TRPM7: variants seen among roughly 807,000 people sequenced by gnomAD.
TRPM7 encodes LTRPC ion channel family member 7.
In TRPM7, 134 loss-of-function variants were observed where a neutral mutation model predicts 229.7. The observed-to-expected ratio is 0.58, with a 90% CI of 0.51 to 0.67. TRPM7 has a LOEUF of 0.67. Ranked by LOEUF, TRPM7 falls within the 30% of genes least tolerant of loss-of-function variation. TRPM7 has a pLI of 0.00. For synonymous variants in TRPM7, 699 were observed against 715.2 expected (o/e 0.98, Z 0.36); for missense variants, 1,901 against 2,210.0 (o/e 0.86, Z 2.80).
In TRPM7 at chr15:50,588,930, A is replaced by T. The variant is rs114452552; in HGVS notation, c.4389+662T>A. Among the ~76,000 whole-genome samples, 857 of 152,322 alleles carry T rather than the reference A, an allele frequency of 5.6e-3. 9 individuals carry two copies. Among genetic ancestry groups the T allele is most frequent in the African/African-American group, 0.02 (825 of 41,574 alleles). On this transcript the variant is annotated intron_variant, in intron 27 of 38. Transcript: ENST00000646667. ...CACTGCTAGACAATAGGTTTCTAAG[A>T]GTCAGGGTCATGTTCAAATAAAACT...
intron 25 of TRPM7, 60 bp from the exon 26 acceptor site, chr15:50,592,686 T>C (rs1200517307): frequency 5.0e-6 from 6 of 1,201,002 alleles, no homozygotes; most frequent in Non-Finnish European, 6.9e-6. Context: ...AATTTTATTT[T>C]GTAGCCTCAA....
chr15:50,620,303 T>TC, intron 12 of TRPM7, among the ~76,000 whole-genome samples: 1 of 148,638 alleles, frequency 6.7e-6, no homozygotes, highest in Admixed American at 6.7e-5. Context: ...TTTTTCAATT[T>TC]TTTTCAATTT....
rs141264637 is a variant in TRPM7, at chr15:50,644,928, G to A, written c.322-1375C>T. ...TTTTGTTTTGTTTTTTTTAGACACG[G>A]TCAGGCTCTGTTGCCCAGGCTGGAG... On this transcript the variant is annotated intron_variant, in intron 4 of 38. Coordinates refer to ENST00000646667, the MANE Select transcript of TRPM7 (RefSeq NM_017672.6). Among the ~76,000 whole-genome samples, 12 of 151,900 alleles carry A rather than the reference G, an allele frequency of 7.9e-5. No homozygotes were observed. In the East Asian group the frequency reaches 2.3e-3, roughly 29 times the overall value.
At chr15:50,622,017 C>T (rs1442649942) in intron 12 of TRPM7, among the ~76,000 whole-genome samples, 1 of 150,612 alleles carries the variant, frequency 6.6e-6, no homozygotes, top group African/African-American at 2.4e-5. Flanking sequence ...ATGACAAGAG[C>T]AAAACTGCGT....
At chr15:50,594,934 G>T (rs2059595808) in intron 23 of TRPM7, among the ~76,000 whole-genome samples, 1 of 152,160 alleles carries the variant, frequency 6.6e-6, no homozygotes, top group African/African-American at 2.4e-5. Context: ...GGGCATGGTG[G>T]TTCATGTCTA....
At position 50,593,605 on chromosome 15, in the gene TRPM7, G is replaced by C; in HGVS notation, c.3608+12C>G. The C allele has an allele frequency of 2.5e-6, 4 of 1,605,138 alleles. No individual in the cohort carries two copies. Among genetic ancestry groups the C allele is most frequent in the Non-Finnish European group, 3.4e-6 (4 of 1,177,950 alleles). ...TGACATATAACCGATTTTAACTAAA[G>C]GGCTTCTGAACCTTTCAAAAGTGAC... On this transcript the variant is annotated intron_variant, in intron 25 of 38. Coordinates refer to ENST00000646667, the MANE Select transcript of TRPM7 (RefSeq NM_017672.6).
chr15:50,665,865 C>T (rs886825765), intron 1 of TRPM7, among the ~76,000 whole-genome samples: 5 of 151,990 alleles, frequency 3.3e-5, no homozygotes, highest in Admixed American at 2.0e-4. Context: ...TTGTGGTGGG[C>T]ACCTGTAATC....
intron 19 of TRPM7, among the ~76,000 whole-genome samples, chr15:50,608,636 C>T (rs1462193079): frequency 6.6e-6 from 1 of 152,156 alleles, no homozygotes; most frequent in African/African-American, 2.4e-5. Flanking sequence ...GGAACAAGAA[C>T]ATTTTCATAT....
intron 26 of TRPM7, among the ~76,000 whole-genome samples, chr15:50,591,604 C>T (rs1246369522): frequency 2.0e-5 from 3 of 151,312 alleles, no homozygotes; most frequent in Non-Finnish European, 4.4e-5. Flanking sequence ...GCAAGCAGTT[C>T]GCCTGCCTCA....
At position 50,624,293 on chromosome 15, in the gene TRPM7, G is replaced by A. The variant is rs1347288244; in HGVS notation, c.1313C>T (p.Ser438Phe). The A allele has an allele frequency of 6.2e-7, 1 of 1,600,318 alleles. No individual in the cohort carries two copies. The highest frequency in any genetic ancestry group is 8.5e-7 in the Non-Finnish European group (1 of 1,175,280). The change falls in exon 12 of 39, where the codon TCC becomes TTC. Residue 438 changes from serine to phenylalanine, a missense_variant. This residue lies in a region of TRPM7 where 794 missense variants were observed against 881.9 expected (regional missense o/e 0.90). Transcript: ENST00000646667. Reference protein sequence around the residue: ...FVYGQQWLVGSLEQAMLDALV... With the variant: ...FVYGQQWLVGFLEQAMLDALV... The stretch of plus-strand genomic sequence containing the variant: ...AGCATCAAGCATAGCTTGTTCCAAG[G>A]ATCCAACCTAGGAGTATCAAATTTA...
chr15:50,571,491 C>A (rs571421736), intron 36 of TRPM7, among the ~76,000 whole-genome samples: 18 of 152,040 alleles, frequency 1.2e-4, no homozygotes, highest in Admixed American at 9.8e-4. Flanking sequence ...CATGCTATAG[C>A]TGCTACACTA....
chr15:50,643,327 A>C lies in TRPM7; in HGVS notation c.535+13T>G, dbSNP rs751906721. 20 of 1,606,228 alleles carry C rather than the reference A, an allele frequency of 1.2e-5. No individual in the cohort carries two copies. The highest frequency in any genetic ancestry group is 2.2e-5 in the South Asian group (2 of 90,528). On this transcript the variant is annotated intron_variant, in intron 5 of 38. Coordinates refer to ENST00000646667, the MANE Select transcript of TRPM7 (RefSeq NM_017672.6). Reference sequence around the variant, plus strand: ...AAACACACTAAATAAAATTGGTATAATCATCACATTACCTGTGTTTACTCC... The same window carrying C: ...AAACACACTAAATAAAATTGGTATACTCATCACATTACCTGTGTTTACTCC...
intron 2 of TRPM7, among the ~76,000 whole-genome samples, chr15:50,659,192 C>CAA (rs35593329): frequency 2.9e-3 from 291 of 99,184 alleles, no homozygotes; most frequent in African/African-American, 9.1e-3. Flanking sequence ...GACTCCGTCT[C>CAA]AAAAAAAAAA....
At position 50,561,629 on chromosome 15, in the gene TRPM7, A is replaced by G. The variant is rs1431597641; in HGVS notation, c.*49T>C. The G allele has an allele frequency of 7.5e-6, 12 of 1,591,366 alleles. No homozygotes were observed. The highest frequency in any genetic ancestry group is 1.0e-5 in the Non-Finnish European group (12 of 1,172,286). On this transcript the variant is annotated 3_prime_UTR_variant, in exon 39 of 39. Coordinates refer to ENST00000646667, the MANE Select transcript of TRPM7 (RefSeq NM_017672.6). ...CCTCCCGAGGGAAAAGTGACACAGT[A>G]ACATTTCTGTGAGGTGCAGGCAAAA...
intron 1 of TRPM7, among the ~76,000 whole-genome samples, chr15:50,679,538 A>ATATATTTTTTTTTTT (rs1400383980): frequency 2.3e-5 from 1 of 43,902 alleles, no homozygotes; most frequent in African/African-American, 1.1e-4. Flanking sequence ...ATATATATAT[A>ATATATTTTTTTTTTT]TTTTTTTTTT....
At chr15:50,646,476 G>C (rs996955292) in intron 4 of TRPM7, among the ~76,000 whole-genome samples, 6 of 152,032 alleles carry the variant, frequency 3.9e-5, no homozygotes, top group African/African-American at 1.5e-4. Flanking sequence ...TACAGACAAG[G>C]TCTCACTATG....
intron 21 of TRPM7, among the ~76,000 whole-genome samples, chr15:50,599,980 A>G (rs1209612244): frequency 6.6e-6 from 1 of 152,240 alleles, no homozygotes; most frequent in Non-Finnish European, 1.5e-5. Context: ...TCATTGAAAA[A>G]TTATTTTCAT....
At chr15:50,638,638 T>A (rs1294766338) in intron 6 of TRPM7, among the ~76,000 whole-genome samples, 1 of 149,234 alleles carries the variant, frequency 6.7e-6, no homozygotes, top group African/African-American at 2.4e-5. Context: ...ATTAGAAATT[T>A]AATAACACTT....
intron 31 of TRPM7, 75 bp from the exon 32 acceptor site, chr15:50,575,994 A>C: frequency 3.5e-4 from 502 of 1,426,676 alleles, no homozygotes; most frequent in Middle Eastern, 4.7e-4. Context: ...GGATAATCTC[A>C]TAAAATCATT....
Sources: gnomAD v4.1 joint callset for allele counts (sites outside exome capture counted in the v4.1 genomes callset) on GRCh38, gnomAD v4.1.1 for gene constraint, gnomAD v4.1.1 regional missense constraint, MANE v1.5 for transcripts, NCBI Gene and HGNC (gene_info 2026-07-23, HGNC 2026-07-21) for gene names.